The following AFDN variants were observed in gnomAD, a reference collection of about 807,000 sequenced individuals.
AFDN encodes the protein afadin, adherens junction formation factor, also known as afadin.
AFDN carries 68 observed loss-of-function variants against 216.6 expected under a neutral mutation model. The observed-to-expected ratio is 0.31, with a 90% CI of 0.26 to 0.38. AFDN has a LOEUF of 0.38. AFDN is among the 10% of genes least tolerant of loss of function. The probability of loss-of-function intolerance (pLI) is 1.00; values close to 1 mark genes in which losing one functional copy is unlikely to be tolerated. For missense variants in AFDN, 2,136 were observed against 2,342.0 expected, an observed-to-expected ratio of 0.91 and a Z score of 1.82; for synonymous variants, 868 against 853.7, an observed-to-expected ratio of 1.02 and a Z score of -0.29.
chr6:167,962,488 A>AAGC lies in AFDN; in HGVS notation c.4890_4892dup (p.Ala1631dup). ...CAGTTAGAAGAGATGCGCAAGCGGG[A>AAGC]AGCGGAAGACCGAGCGAGGCAAGAG... On this transcript the variant is annotated inframe_insertion, in exon 31 of 34. Transcript: ENST00000683244. This position sits in a 1 kb window ranked among gnomAD's most constrained non-coding sequence, Gnocchi z 5.2. 6.2e-7 allele frequency: 1 copy of AAGC among 1,613,730 alleles called. No individual in the cohort carries two copies. The highest frequency in any genetic ancestry group is 8.5e-7 in the Non-Finnish European group (1 of 1,179,714).
intron 3 of AFDN, among the ~76,000 whole-genome samples, chr6:167,871,641 AT>A (rs1325539734): frequency 6.6e-6 from 1 of 152,240 alleles, no homozygotes; most frequent in Non-Finnish European, 1.5e-5. Flanking sequence ...TAAAATACAA[AT>A]TAAGAAGAAG....
chr6:167,966,404 C>A, intron 32 of AFDN: 2 of 745,826 alleles, frequency 2.7e-6, no homozygotes, highest in Non-Finnish European at 3.8e-6. Context: ...CATGTGATCA[C>A]TGGTCTCGGC....
At chr6:167,939,490 G>A (rs905866482) in intron 23 of AFDN, among the ~76,000 whole-genome samples, 4 of 152,158 alleles carry the variant, frequency 2.6e-5, no homozygotes, top group Non-Finnish European at 5.9e-5. Flanking sequence ...GACTATCAGC[G>A]CTCCAACTAA....
At chr6:167,919,976 T>TA (rs367628104) in intron 21 of AFDN, among the ~76,000 whole-genome samples, 2 of 152,372 alleles carry the variant, frequency 1.3e-5, no homozygotes, top group East Asian at 3.9e-4. Flanking sequence ...CCTTTCAAGA[T>TA]ATCTTCAAAG....
intron 1 of AFDN, among the ~76,000 whole-genome samples, chr6:167,842,417 T>A (rs1781172716): frequency 6.6e-6 from 1 of 152,138 alleles, no homozygotes. Flanking sequence ...CATAATTAAC[T>A]ATGGGGCCAC....
At chr6:167,872,430 T>A in intron 4 of AFDN, 53 bp downstream of exon 4, 3 of 1,546,992 alleles carry the variant, frequency 1.9e-6, no homozygotes, top group Non-Finnish European at 8.7e-7. Context: ...ATCAGATGTT[T>A]TTGTTGCACC....
At chr6:167,895,525 AGTCTC>A (rs10611350) in intron 9 of AFDN, among the ~76,000 whole-genome samples, 1,544 of 152,268 alleles carry the variant, frequency 0.01, 28 homozygotes, top group African/African-American at 0.036. Context: ...CAGGTACTTC[AGTCTC>A]ATCTTACCTT....
chr6:167,966,831 C>A (rs1011705326), intron 32 of AFDN, among the ~76,000 whole-genome samples: 1 of 152,224 alleles, frequency 6.6e-6, no homozygotes, highest in African/African-American at 2.4e-5. Context: ...TCCGTGCAGG[C>A]TGCCTCACGC....
intron 1 of AFDN, among the ~76,000 whole-genome samples, chr6:167,853,556 TTAAA>T (rs1240434151): frequency 6.6e-6 from 1 of 152,080 alleles, no homozygotes; most frequent in Non-Finnish European, 1.5e-5. Context: ...TCTTTTTTTG[TTAAA>T]TAGTTACATG....
chr6:167,911,504 G>T lies in AFDN; in HGVS notation c.2037+15G>T. Reference sequence around the variant, plus strand: ...GTGTCATCCAGGTACGTTCCAGCCGGCCAGCCATGCTCCTCCAGTGATTGT... The same window carrying T: ...GTGTCATCCAGGTACGTTCCAGCCGTCCAGCCATGCTCCTCCAGTGATTGT... On this transcript the variant is annotated intron_variant, in intron 15 of 33. Transcript: ENST00000683244. 1 of 1,611,760 alleles carries T rather than the reference G, an allele frequency of 6.2e-7. No homozygotes were observed.
intron 23 of AFDN, among the ~76,000 whole-genome samples, chr6:167,930,318 C>T (rs1415358019): frequency 1.3e-5 from 2 of 152,194 alleles, no homozygotes; most frequent in Non-Finnish European, 2.9e-5. Flanking sequence ...AAGTTTTCTT[C>T]TCCTGGTGAG....
At chr6:167,931,717 T>C (rs1445554229) in intron 23 of AFDN, among the ~76,000 whole-genome samples, 1 of 152,158 alleles carries the variant, frequency 6.6e-6, no homozygotes, top group Non-Finnish European at 1.5e-5. Flanking sequence ...ATCATTATAA[T>C]AGAGTGGAGG....
At position 167,946,822 on chromosome 6, in the gene AFDN, T is replaced by C; in HGVS notation, c.3474T>C (p.Tyr1158=). The part of the protein sequence containing the change: ...PESPQLPWAE[Y]SEPKKLPGDD... ...GTCCTCAGCTGCCTTGGGCAGAATA[T>C]AGTGAACCAAAGAAATTGCCTGGTG... Residue 1158 remains tyrosine, a synonymous_variant, in exon 27 of 34, where the codon TAT becomes TAC. Transcript: ENST00000683244. 6.2e-7 allele frequency: 1 copy of C among 1,613,136 alleles called. No homozygotes were observed. Among genetic ancestry groups the C allele is most frequent in the Non-Finnish European group, 8.5e-7 (1 of 1,179,802 alleles).
chr6:167,847,034 T>C (rs1305558606), intron 1 of AFDN, among the ~76,000 whole-genome samples: 1 of 152,230 alleles, frequency 6.6e-6, no homozygotes, highest in Non-Finnish European at 1.5e-5. Context: ...AGTTAAATTT[T>C]AGAACGCTTT....
chr6:167,929,458 G>A (rs1793001750), intron 23 of AFDN, among the ~76,000 whole-genome samples: 1 of 152,184 alleles, frequency 6.6e-6, no homozygotes, highest in South Asian at 2.1e-4. Flanking sequence ...TGATGTGCAT[G>A]TCTACACTGC....
chr6:167,966,096 G>GC (rs1355564518), intron 32 of AFDN, 51 bp downstream of exon 32: 52 of 1,536,866 alleles, frequency 3.4e-5, no homozygotes, highest in Non-Finnish European at 4.5e-5. Flanking sequence ...CCTTCTTCCT[G>GC]CCCCTCTTAA....
At chr6:167,915,527 A>C (rs922450524) in intron 19 of AFDN, 94 bp downstream of exon 19, 14 of 1,418,688 alleles carry the variant, frequency 9.9e-6, no homozygotes, top group Non-Finnish European at 1.3e-5. Context: ...CAAAACCTCA[A>C]TACCCTCTTT....
chr6:167,827,131 C>T lies in AFDN; in HGVS notation c.-2C>T, dbSNP rs1252671067. ...CGCGGCTGAGGAGGCGCGGCCAGGACCATGTCGGCGGGCGGCCGTGACGAG... is the reference window on the plus strand; with the variant it reads ...CGCGGCTGAGGAGGCGCGGCCAGGATCATGTCGGCGGGCGGCCGTGACGAG... On this transcript the variant is annotated 5_prime_UTR_variant, in exon 1 of 34. Coordinates refer to ENST00000683244, the MANE Select transcript of AFDN (RefSeq NM_001386888.1). The T allele has an allele frequency of 1.6e-6, 2 of 1,282,680 alleles. No individual in the cohort carries two copies. The highest frequency in any genetic ancestry group is 1.0e-6 in the Non-Finnish European group (1 of 985,054). 79.5% of individuals were successfully genotyped at this position (1,282,680 alleles called of 1,614,324 possible). A position where few individuals can be genotyped will look rare whatever the true frequency, so the allele number is the denominator to read the frequency against.
At chr6:167,900,467 C>T (rs1015780757) in intron 11 of AFDN, among the ~76,000 whole-genome samples, 3 of 152,054 alleles carry the variant, frequency 2.0e-5, no homozygotes, top group African/African-American at 7.3e-5. Flanking sequence ...GAGGAGCGAC[C>T]CATGATTGTT....
Sources: gnomAD v4.1 joint callset for allele counts (sites outside exome capture counted in the v4.1 genomes callset) on GRCh38, gnomAD v4.1.1 for gene constraint, Gnocchi (gnomAD v3.1) non-coding constraint, MANE v1.5 for transcripts, NCBI Gene and HGNC (gene_info 2026-07-23, HGNC 2026-07-21) for gene names.